CNGB1: variants seen among roughly 807,000 people sequenced by gnomAD.
CNGB1 encodes cyclic nucleotide gated channel subunit beta 1, also known as cyclic nucleotide-gated channel beta-1.
In CNGB1, 126 loss-of-function variants were observed where a neutral mutation model predicts 151.7. The observed-to-expected ratio is 0.83, with a 90% confidence interval of 0.72 to 0.96. The LOEUF (loss-of-function observed/expected upper bound fraction) is 0.96. Among genes scored for constraint, CNGB1 ranks in the 40% least tolerant of loss-of-function variants. The pLI is 0.00. For missense variants in CNGB1, 1,698 were observed against 1,627.0 expected (o/e 1.04, Z -0.75); for synonymous variants, 623 against 635.1 (o/e 0.98, Z 0.29).
chr16:57,888,127 A>C (rs552496391), intron 31 of CNGB1, 53 bp from the exon 32 acceptor site: 96 of 1,566,358 alleles, frequency 6.1e-5, no homozygotes, highest in Non-Finnish European at 8.0e-5. Context: ...GGGGAAAAGA[A>C]AGACTCGCTT....
At position 57,911,894 on chromosome 16, in the gene CNGB1, G is replaced by T; in HGVS notation, c.2370-19C>A. Reference sequence around the variant, plus strand: ...GATGACCCTGCAGAAGGAACACAGCGCATGAACACAGCGGCGGAAGGGGGA... The same window carrying T: ...GATGACCCTGCAGAAGGAACACAGCTCATGAACACAGCGGCGGAAGGGGGA... On this transcript the variant is annotated intron_variant, in intron 24 of 32. Coordinates refer to ENST00000251102, the MANE Select transcript of CNGB1 (RefSeq NM_001297.5). The T allele has an allele frequency of 6.2e-7, 1 of 1,612,540 alleles. No individual in the cohort carries two copies.
chr16:57,917,480 TG>T lies in CNGB1; in HGVS notation c.1958-5del. 6.2e-7 allele frequency: 1 copy of T among 1,613,768 alleles called. No homozygotes were observed. The highest frequency in any genetic ancestry group is 2.2e-5 in the East Asian group (1 of 44,868). On this transcript the variant is annotated splice_polypyrimidine_tract_variant and splice_region_variant and intron_variant, in intron 20 of 32. Coordinates refer to ENST00000251102, the MANE Select transcript of CNGB1 (RefSeq NM_001297.5). ...AGCCATAGGACATACATCAGGTCTG[TG>T]GGGAAGGTTGACGGGGACGCTAGAG...
At chr16:57,900,713 T>C (rs1053496849) in intron 29 of CNGB1, among the ~76,000 whole-genome samples, 1 of 152,126 alleles carries the variant, frequency 6.6e-6, no homozygotes, top group Non-Finnish European at 1.5e-5. Flanking sequence ...GGGGCAACCT[T>C]TCCTCCACCC....
Position 57,901,561 on chromosome 16 carries a change from G to A in CNGB1, c.2859C>T (p.Asn953=), listed in dbSNP as rs1267005209. ...KMRLDLAIDV[N]YNIVSKVALF... ...GTGCGACTTTGCTAACGATGTTGTA[G>A]TTCACGTCGATGGCGAGGTCCAGCC... Residue 953 remains asparagine (N), a synonymous_variant, in exon 28 of 33, where the codon AAC becomes AAT. Transcript: ENST00000251102. 1 of 1,614,088 alleles carries A rather than the reference G, an allele frequency of 6.2e-7. No individual in the cohort carries two copies. Among genetic ancestry groups the A allele is most frequent in the Non-Finnish European group, 8.5e-7 (1 of 1,180,050 alleles).
intron 25 of CNGB1, 72 bp from the exon 26 acceptor site, chr16:57,904,947 G>C (rs898604968): frequency 3.2e-6 from 5 of 1,586,850 alleles, no homozygotes; most frequent in Non-Finnish European, 1.7e-6. Flanking sequence ...GTCTGGCTCA[G>C]ACGCCTCTGA....
At chr16:57,910,895 G>A (rs1188086859) in intron 25 of CNGB1, among the ~76,000 whole-genome samples, 1 of 152,086 alleles carries the variant, frequency 6.6e-6, no homozygotes, top group Non-Finnish European at 1.5e-5. Context: ...GCTGTACCAC[G>A]GGCGTGTCCT....
chr16:57,969,766 C>A (rs1386281963), intron 1 of CNGB1, among the ~76,000 whole-genome samples: 1 of 152,216 alleles, frequency 6.6e-6, no homozygotes, highest in Non-Finnish European at 1.5e-5. Flanking sequence ...GAATGGGGAG[C>A]CCCAGCCCTT....
At chr16:57,905,704 G>A (rs1298689372) in intron 25 of CNGB1, among the ~76,000 whole-genome samples, 1 of 152,254 alleles carries the variant, frequency 6.6e-6, no homozygotes, top group Non-Finnish European at 1.5e-5. Flanking sequence ...TGTTACAAAA[G>A]GTTCTGGTGG....
At chr16:57,896,483 G>T (rs1327798314) in intron 31 of CNGB1, among the ~76,000 whole-genome samples, 6 of 151,780 alleles carry the variant, frequency 4.0e-5, no homozygotes, top group African/African-American at 1.2e-4. Flanking sequence ...GGGAGGCCGA[G>T]GGGGGTGGAT....
At chr16:57,946,812 C>A (rs1339317143) in intron 14 of CNGB1, among the ~76,000 whole-genome samples, 3 of 152,216 alleles carry the variant, frequency 2.0e-5, no homozygotes, top group Non-Finnish European at 4.4e-5. Flanking sequence ...CCTGTGATCA[C>A]CAACTCTGTC....
intron 14 of CNGB1, among the ~76,000 whole-genome samples, chr16:57,945,332 G>A: frequency 6.6e-6 from 1 of 152,234 alleles, no homozygotes; most frequent in Non-Finnish European, 1.5e-5. Flanking sequence ...AATAGATACA[G>A]GTTCTGTCTC....
intron 14 of CNGB1, among the ~76,000 whole-genome samples, chr16:57,948,615 CT>C (rs1961867745): frequency 6.6e-6 from 1 of 152,106 alleles, no homozygotes; most frequent in Admixed American, 6.5e-5. Flanking sequence ...CCCTGGGCAT[CT>C]CCTCGAGCCC....
At chr16:57,901,788 G>T (rs1354858486) in intron 27 of CNGB1, among the ~76,000 whole-genome samples, 163 bp from the exon 28 acceptor site, 1 of 152,182 alleles carries the variant, frequency 6.6e-6, no homozygotes, top group Non-Finnish European at 1.5e-5. Flanking sequence ...CCAGGCATTT[G>T]CCAATACCGT....
Position 57,931,740 on chromosome 16 carries a change from G to C in CNGB1, c.1511C>G (p.Pro504Arg), listed in dbSNP as rs771826397. The C allele has an allele frequency of 6.2e-7, 1 of 1,614,158 alleles. No individual in the cohort carries two copies. Among genetic ancestry groups the C allele is most frequent in the South Asian group, 1.1e-5 (1 of 91,076 alleles). Residue 504 changes from proline to arginine, a missense_variant, in exon 17 of 33, where the codon CCA becomes CGA. By Grantham distance (103) the Pro-to-Arg change is moderately radical (BLOSUM62 -2). Transcript: ENST00000251102. ...SPAKSDTLIV[P>R]SSASGTHRKK... The stretch of plus-strand genomic sequence containing the variant: ...CCTGTGTGTCCCCGAGGCTGAGCTT[G>C]GGACTATAAGGGTGTCTGATTTGGC...
At chr16:57,965,067 T>C (rs1304251584) in intron 2 of CNGB1, among the ~76,000 whole-genome samples, 2 of 152,200 alleles carry the variant, frequency 1.3e-5, no homozygotes, top group Admixed American at 1.3e-4. Context: ...TGCACTTATG[T>C]GTATGTACAA....
chr16:57,903,956 G>T lies in CNGB1; in HGVS notation c.2660C>A (p.Thr887Asn), dbSNP rs778983720. The T allele has an allele frequency of 5.0e-6, 8 of 1,613,824 alleles. No individual in the cohort carries two copies. The African/African-American group carries it at 9.3e-5, about 19-fold the overall frequency. The change falls in exon 27 of 33, where the codon ACC becomes AAC. Residue 887 changes from threonine to asparagine, a missense_variant. By Grantham distance (65) the Thr-to-Asn change is moderately conservative (BLOSUM62 0). Transcript: ENST00000251102. ...GQMRDVVGAA[T>N]AGQTYYRSCM... is the part of the protein sequence containing the mutation. ...GCTGCGGTAGTAGGTCTGTCCGGCG[G>T]TGGCGGCCCCTACCACATCTCTCAT...
chr16:57,966,430 A>G (rs757762560), intron 2 of CNGB1, among the ~76,000 whole-genome samples: 3 of 152,196 alleles, frequency 2.0e-5, no homozygotes, highest in African/African-American at 4.8e-5. Flanking sequence ...TCCTGAATGG[A>G]TGGGTTGCAG....
In CNGB1 at chr16:57,917,263, C is replaced by T; in HGVS notation, c.2166+5G>A. 2.5e-6 allele frequency: 4 copies of T among 1,611,184 alleles called. No individual in the cohort carries two copies. The highest frequency in any genetic ancestry group is 3.4e-6 in the Non-Finnish European group (4 of 1,178,616). On this transcript the variant is annotated splice_donor_5th_base_variant and intron_variant, in intron 21 of 32. Coordinates refer to ENST00000251102, the MANE Select transcript of CNGB1 (RefSeq NM_001297.5). Reference sequence around the variant, plus strand: ...TCACCCCAACACCACCTGCCTGTGACTCACAATGATGTCCCCGCCTCTGAC... The same window carrying T: ...TCACCCCAACACCACCTGCCTGTGATTCACAATGATGTCCCCGCCTCTGAC...
chr16:57,901,746 AC>A (rs1960399348), intron 27 of CNGB1, 121 bp from the exon 28 acceptor site: 1 of 783,502 alleles, frequency 1.3e-6, no homozygotes, highest in Admixed American at 2.0e-5. Context: ...GCATGGAACC[AC>A]TCTGGATTTG....
Sources: allele counts gnomAD v4.1 joint callset (sites outside exome capture counted in the v4.1 genomes callset), GRCh38; gene constraint gnomAD v4.1.1; transcripts MANE v1.5; gene names NCBI Gene and HGNC (gene_info 2026-07-23, HGNC 2026-07-21).